Variants in CA7 observed in about 807,000 individuals in gnomAD.
CA7 encodes the protein carbonate dehydratase VII.
In CA7, 13 loss-of-function variants were observed where a neutral mutation model predicts 31.4. The observed-to-expected ratio is 0.41, with a 90% confidence interval of 0.27 to 0.66. The LOEUF is 0.66. Among genes scored for constraint, CA7 ranks in the 30% least tolerant of loss-of-function variants. The pLI, the probability that CA7 is intolerant of heterozygous loss-of-function variation, is 0.28. For missense variants in CA7, 215 were observed against 351.0 expected, an observed-to-expected ratio of 0.61 and a Z score of 3.10; for synonymous variants, 128 against 133.2, an observed-to-expected ratio of 0.96 and a Z score of 0.27.
In CA7 at chr16:66,853,926, C is replaced by T. The variant is rs1961119273; in HGVS notation, c.*428C>T. On this transcript the variant is annotated 3_prime_UTR_variant, in exon 7 of 7. Coordinates refer to ENST00000338437, the MANE Select transcript of CA7 (RefSeq NM_005182.3). This position sits in a 1 kb window ranked among gnomAD's most constrained non-coding sequence, Gnocchi z 4.5. ...AGCTGCCCTCTCGGCATTACCTCTT[C>T]TGCAGGCTCTGCCATGCACGCACCT... The T allele has an allele frequency of 5.9e-6, 1 of 169,848 alleles. No individual in the cohort carries two copies. The highest frequency in any genetic ancestry group is 5.6e-5 in the Admixed American group (1 of 17,818). 10.5% of individuals were successfully genotyped at this position (169,848 alleles called of 1,614,324 possible).
intron 5 of CA7, among the ~76,000 whole-genome samples, chr16:66,851,957 T>C (rs867083909): frequency 2.0e-5 from 3 of 152,168 alleles, no homozygotes; most frequent in Middle Eastern, 6.8e-3. Context: ...GCTTGTCACA[T>C]TAATGGTGGT....
chr16:66,846,436 G>A (rs1960930718), intron 1 of CA7, among the ~76,000 whole-genome samples: 1 of 152,182 alleles, frequency 6.6e-6, no homozygotes, highest in Non-Finnish European at 1.5e-5. Flanking sequence ...CATTGGGAGG[G>A]CAGCTGGGGG....
chr16:66,853,240 G>C lies in CA7; in HGVS notation c.673-136G>C, dbSNP rs1961105239. ...CCTGCAGAGAAAAATGAGTGGGGAAGAGTAGGGACAGACCCTAAGGGAAGG... is the reference window on the plus strand; with the variant it reads ...CCTGCAGAGAAAAATGAGTGGGGAACAGTAGGGACAGACCCTAAGGGAAGG... On this transcript the variant is annotated intron_variant, in intron 6 of 6. Transcript: ENST00000338437. The surrounding 1 kb of genome is among the most constrained non-coding windows in gnomAD (Gnocchi z 4.5). The C allele has an allele frequency of 9.5e-7, 1 of 1,053,394 alleles. No homozygotes were observed. The highest frequency in any genetic ancestry group is 2.3e-5 in the Admixed American group (1 of 43,882). 65.3% of individuals were successfully genotyped at this position (1,053,394 alleles called of 1,614,324 possible).
chr16:66,852,655 G>A (rs888829278), intron 5 of CA7, 57 bp from the exon 6 acceptor site: 1 of 1,345,698 alleles, frequency 7.4e-7, no homozygotes, highest in East Asian at 2.7e-5. Flanking sequence ...AGAAGTTGCT[G>A]GTTTGGTCCC....
chr16:66,846,760 G>T (rs1263729239), intron 1 of CA7, among the ~76,000 whole-genome samples: 1 of 152,206 alleles, frequency 6.6e-6, no homozygotes, highest in African/African-American at 2.4e-5. Context: ...CCCCGAGCCT[G>T]TAGCTGTTAT....
chr16:66,851,681 C>T lies in CA7; in HGVS notation c.471C>T (p.Pro157=). The stretch of plus-strand genomic sequence containing the variant: ...CCTGACAGACAGGAGACGAGCACCC[C>T]AGCATGAATCGTCTGACAGATGCGC... ...GVFLETGDEH[P]SMNRLTDALY... Residue 157 remains proline, a synonymous_variant, in exon 5 of 7, where the codon CCC becomes CCT. Transcript: ENST00000338437. The T allele has an allele frequency of 6.2e-7, 1 of 1,614,124 alleles. No homozygotes were observed. The highest frequency in any genetic ancestry group is 1.1e-5 in the South Asian group (1 of 91,070).
Position 66,853,279 on chromosome 16 carries a change from A to G in CA7, c.673-97A>G, listed in dbSNP as rs1392592605. ...CCTAAGGGAAGGAGGAGGGAGGGGT[A>G]GAGCTGGCTGGGCAGGTATGCCAGA... is the stretch of plus-strand genomic sequence containing the variant. On this transcript the variant is annotated intron_variant, in intron 6 of 6. Transcript: ENST00000338437. This position sits in a 1 kb window ranked among gnomAD's most constrained non-coding sequence, Gnocchi z 4.5. The G allele has an allele frequency of 3.4e-6, 5 of 1,470,708 alleles. No individual in the cohort carries two copies. Among genetic ancestry groups the G allele is most frequent in the Non-Finnish European group, 3.8e-6 (4 of 1,061,584 alleles). The allele number at this position is 1,470,708 out of a possible 1,614,324, so 91.1% of individuals were successfully genotyped here. A position where few individuals can be genotyped will look rare whatever the true frequency, so the allele number is the denominator to read the frequency against.
intron 1 of CA7, among the ~76,000 whole-genome samples, chr16:66,845,619 T>C (rs773770275): frequency 5.9e-5 from 9 of 151,948 alleles, no homozygotes; most frequent in Non-Finnish European, 1.3e-4. Flanking sequence ...AAAAAGATGA[T>C]ATAGACAAGC....
At chr16:66,849,876 T>C (rs1284617215) in intron 2 of CA7, among the ~76,000 whole-genome samples, 1 of 152,142 alleles carries the variant, frequency 6.6e-6, no homozygotes, top group Non-Finnish European at 1.5e-5. Flanking sequence ...TCCCACACTT[T>C]GGAAGGCTGA....
chr16:66,846,137 G>A (rs1476723267), intron 1 of CA7, among the ~76,000 whole-genome samples: 1 of 152,052 alleles, frequency 6.6e-6, no homozygotes, highest in African/African-American at 2.4e-5. Context: ...TGGATCCTCT[G>A]GGAGGCAGGT....
At chr16:66,850,689 T>C (rs1342379560) in intron 3 of CA7, 30 bp downstream of exon 3, 4 of 1,460,530 alleles carry the variant, frequency 2.7e-6, no homozygotes, top group Non-Finnish European at 3.8e-6. Flanking sequence ...TGAATCCCTC[T>C]GCTACATGGG....
intron 6 of CA7, 82 bp downstream of exon 6, chr16:66,852,949 C>T: frequency 4.7e-6 from 6 of 1,279,982 alleles, no homozygotes; most frequent in South Asian, 4.4e-5. Flanking sequence ...ACTAGCACCC[C>T]ACAGCCCGTG....
Position 66,850,706 on chromosome 16 carries a change from C to T in CA7, c.357+47C>T, listed in dbSNP as rs778972994. On this transcript the variant is annotated intron_variant, in intron 3 of 6. Transcript: ENST00000338437. ...AATCCCTCTGCTACATGGGAAGGAA[C>T]GCAGGCCTGGGTAGTCAGGGGCTTG... The T allele has an allele frequency of 1.4e-5, 19 of 1,373,080 alleles. No individual in the cohort carries two copies. In the African/African-American group the frequency reaches 1.4e-4, roughly 10 times the overall value. The allele number at this position is 1,373,080 out of a possible 1,614,324, so 85.1% of individuals were successfully genotyped here. A position where few individuals can be genotyped will look rare whatever the true frequency, so the allele number is the denominator to read the frequency against.
chr16:66,845,027 C>T, intron 1 of CA7: 44 of 986,680 alleles, frequency 4.5e-5, no homozygotes, highest in Non-Finnish European at 5.2e-5. Context: ...GGCCGAGCTG[C>T]CTTCTCGGCC....
chr16:66,853,193 T>C lies in CA7; in HGVS notation c.673-183T>C, dbSNP rs1961104545. The stretch of plus-strand genomic sequence containing the variant: ...TAGGTAAAGCAGAGCCCAGACCCTT[T>C]AGTGAGTAAATAAATGAGGGTCCTG... On this transcript the variant is annotated intron_variant, in intron 6 of 6. Coordinates refer to ENST00000338437, the MANE Select transcript of CA7 (RefSeq NM_005182.3). This position sits in a 1 kb window ranked among gnomAD's most constrained non-coding sequence, Gnocchi z 4.5. Among the ~76,000 whole-genome samples, 3 of 152,032 alleles carry C rather than the reference T, an allele frequency of 2.0e-5. No individual in the cohort carries two copies. The South Asian group carries it at 6.2e-4, about 32-fold the overall frequency.
chr16:66,848,164 A>T (rs1396791224), intron 2 of CA7, among the ~76,000 whole-genome samples: 1 of 152,198 alleles, frequency 6.6e-6, no homozygotes, highest in Non-Finnish European at 1.5e-5. Flanking sequence ...GAGAAGAGTG[A>T]TCTTACTTAG....
At chr16:66,845,304 A>C in intron 1 of CA7, 64 of 528,978 alleles carry the variant, frequency 1.2e-4, no homozygotes, top group South Asian at 1.7e-4. Flanking sequence ...CTTACCAAGC[A>C]GGGGTGGGGG....
chr16:66,852,669 G>A, intron 5 of CA7, 43 bp from the exon 6 acceptor site: 2 of 1,490,706 alleles, frequency 1.3e-6, no homozygotes, highest in African/African-American at 1.4e-5. Flanking sequence ...TGGTCCCAGT[G>A]GGAGGTCTAT....
chr16:66,844,558 C>T (rs975813587), intron 1 of CA7, 31 bp downstream of exon 1: 6 of 1,529,716 alleles, frequency 3.9e-6, no homozygotes, highest in Admixed American at 2.0e-5. Flanking sequence ...CCGCCTCTGG[C>T]TCGGACCCCC....
Sources: allele counts gnomAD v4.1 joint callset (sites outside exome capture counted in the v4.1 genomes callset), GRCh38; gene constraint gnomAD v4.1.1; non-coding constraint Gnocchi (gnomAD v3.1); transcripts MANE v1.5; gene names NCBI Gene and HGNC (gene_info 2026-07-23, HGNC 2026-07-21).